AKNAD1: variants seen among roughly 807,000 people sequenced by gnomAD.
AKNAD1 encodes the protein protein AKNAD1.
In AKNAD1, 67 loss-of-function variants were observed where a neutral mutation model predicts 90.8. That is an observed-to-expected ratio of 0.74 (90% CI 0.61 to 0.90). The LOEUF (loss-of-function observed/expected upper bound fraction) is 0.90, where lower values mean the gene tolerates loss of function less well. Among genes scored for constraint, AKNAD1 ranks in the 40% least tolerant of loss-of-function variants. The pLI, the probability that AKNAD1 is intolerant of heterozygous loss-of-function variation, is 0.00. For synonymous variants in AKNAD1, 327 were observed against 341.4 expected (o/e 0.96, Z 0.46); for missense variants, 957 against 975.4 (o/e 0.98, Z 0.25).
At chr1:108,835,864 T>C (rs953080269) in intron 7 of AKNAD1, among the ~76,000 whole-genome samples, 5 of 152,180 alleles carry the variant, frequency 3.3e-5, no homozygotes, top group African/African-American at 1.2e-4. Context: ...GACCTCGTGA[T>C]CCGCCTGCCT....
At chr1:108,835,718 G>A (rs12058726) in intron 7 of AKNAD1, among the ~76,000 whole-genome samples, 20,869 of 151,214 alleles carry the variant, frequency 0.14, 1,584 homozygotes, top group African/African-American at 0.2. Context: ...TCTGCCTCCC[G>A]GGTTCAAGCG....
chr1:108,843,380 C>A lies in AKNAD1; in HGVS notation c.1246-113G>T, dbSNP rs78835477. 2.6e-3 allele frequency: 3,334 copies of A among 1,305,284 alleles called. 65 individuals are homozygous for A. In the African/African-American group the frequency reaches 0.041, roughly 16 times the overall value. 80.9% of individuals were successfully genotyped at this position (1,305,284 alleles called of 1,614,324 possible). ...AGTAGTGTCAAAACAAAGCTGCCAT[C>A]CTTCTCCCAGCAGCATAAATTGTTT... On this transcript the variant is annotated intron_variant, in intron 5 of 15. Transcript: ENST00000370001.
intron 10 of AKNAD1, 115 bp from the exon 11 acceptor site, chr1:108,827,417 G>A (rs1664039588): frequency 1.3e-6 from 1 of 741,160 alleles, no homozygotes; most frequent in Non-Finnish European, 2.3e-6. Context: ...GAACAGTGTA[G>A]GAGGGGCTTG....
intron 8 of AKNAD1, 132 bp from the exon 9 acceptor site, chr1:108,834,660 T>C: frequency 1.0e-6 from 1 of 975,530 alleles, no homozygotes; most frequent in Admixed American, 2.6e-5. Context: ...CAGAGAGTGC[T>C]ATGGGCCTCA....
At position 108,852,623 on chromosome 1, in the gene AKNAD1, C is replaced by T; in HGVS notation, c.42G>A (p.Gln14=). The T allele has an allele frequency of 1.9e-6, 3 of 1,605,204 alleles. No individual in the cohort carries two copies. Among genetic ancestry groups the T allele is most frequent in the Non-Finnish European group, 2.6e-6 (3 of 1,176,128 alleles). The change falls in exon 2 of 16, where the codon CAG becomes CAA. Residue 14 remains glutamine (Q), a synonymous_variant. Transcript: ENST00000370001. ...GGTCCCCATCATAAGGCAAATCCTC[C>T]TGCTTATAAGTCGTGTGTTCTGAAA... is the stretch of plus-strand genomic sequence containing the variant. ...ADFSEHTTYK[Q]EDLPYDGDLS...
chr1:108,821,845 C>CCTCT (rs397962392), intron 13 of AKNAD1, among the ~76,000 whole-genome samples: 2 of 151,804 alleles, frequency 1.3e-5, no homozygotes, highest in African/African-American at 4.8e-5. Flanking sequence ...TTCCCTTTCC[C>CCTCT]TCTTCTTCTT....
intron 13 of AKNAD1, among the ~76,000 whole-genome samples, chr1:108,822,556 G>A (rs1470093506): frequency 6.6e-6 from 1 of 152,162 alleles, no homozygotes; most frequent in East Asian, 1.9e-4. Flanking sequence ...AGACACAGCT[G>A]AGGTCAGTCA....
chr1:108,852,903 GAC>G, intron 1 of AKNAD1, 136 bp from the exon 2 acceptor site: 1 of 382,094 alleles, frequency 2.6e-6, no homozygotes, highest in Non-Finnish European at 4.6e-6. Context: ...ACCACAAGCT[GAC>G]CCAACCTCAA....
At position 108,834,673 on chromosome 1, in the gene AKNAD1, C is replaced by T. The variant is rs955670455; in HGVS notation, c.1665-145G>A. ...GGCAGAGAGTGCTATGGGCCTCATGCGGCCACTTGACCTTCACCTCTCCCC... is the reference window on the plus strand; with the variant it reads ...GGCAGAGAGTGCTATGGGCCTCATGTGGCCACTTGACCTTCACCTCTCCCC... On this transcript the variant is annotated intron_variant, in intron 8 of 15. Transcript: ENST00000370001. The T allele has an allele frequency of 9.8e-6, 9 of 914,050 alleles. 1 individual carries two copies. The highest frequency in any genetic ancestry group is 8.7e-5 in the South Asian group (5 of 57,340). 56.6% of individuals were successfully genotyped at this position (914,050 alleles called of 1,614,324 possible).
chr1:108,856,444 A>G (rs1197060399), intron 1 of AKNAD1, among the ~76,000 whole-genome samples: 7 of 152,198 alleles, frequency 4.6e-5, no homozygotes, highest in Non-Finnish European at 8.8e-5. Flanking sequence ...TCATGCCTGT[A>G]ATCTCAGCAC....
chr1:108,817,797 G>A (rs1443125015), intron 14 of AKNAD1, among the ~76,000 whole-genome samples: 2 of 148,818 alleles, frequency 1.3e-5, no homozygotes, highest in East Asian at 2.0e-4. Flanking sequence ...GAGCCACCGC[G>A]TCCGGCCTTT....
At chr1:108,854,647 G>A (rs1664980890) in intron 1 of AKNAD1, among the ~76,000 whole-genome samples, 1 of 152,202 alleles carries the variant, frequency 6.6e-6, no homozygotes, top group African/African-American at 2.4e-5. Flanking sequence ...TGGAGAGAAA[G>A]GAGAATATCA....
At chr1:108,846,827 C>T (rs372036044) in intron 5 of AKNAD1, among the ~76,000 whole-genome samples, 1 of 152,090 alleles carries the variant, frequency 6.6e-6, no homozygotes, top group Non-Finnish European at 1.5e-5. Context: ...CCAAAGGTAG[C>T]TCAAACTCAA....
At chr1:108,817,258 T>C (rs1025433597) in intron 14 of AKNAD1, 81 bp from the exon 15 acceptor site, 55 of 1,565,388 alleles carry the variant, frequency 3.5e-5, no homozygotes, top group Non-Finnish European at 4.7e-5. Flanking sequence ...CTGTGGTAGG[T>C]AATGGCTCTG....
chr1:108,851,939 AT>A lies in AKNAD1; in HGVS notation c.725del (p.Asn242IlefsTer27). 6.2e-7 allele frequency: 1 copy of A among 1,614,132 alleles called. No individual in the cohort carries two copies. Among genetic ancestry groups the A allele is most frequent in the Non-Finnish European group, 8.5e-7 (1 of 1,180,026 alleles). On this transcript the variant is annotated frameshift_variant, in exon 2 of 16. Coordinates refer to ENST00000370001, the MANE Select transcript of AKNAD1 (RefSeq NM_152763.5). LOFTEE classifies it high-confidence loss of function. The stretch of plus-strand genomic sequence containing the variant: ...GGCCGTATTTGAACGTGTTGCCTGA[AT>A]TTGCTTTTTCAGTCTGCTGTTTCTG... ...SPQKQQTEKA[N>X]SGNTFKYGQG...
At chr1:108,818,528 C>G (rs536633008) in intron 14 of AKNAD1, among the ~76,000 whole-genome samples, 1 of 152,136 alleles carries the variant, frequency 6.6e-6, no homozygotes. Context: ...TTATTATGAG[C>G]CTGGTACCAT....
chr1:108,852,294 C>T lies in AKNAD1; in HGVS notation c.371G>A (p.Arg124Lys). Residue 124 changes from arginine (R) to lysine (K), a missense_variant, in exon 2 of 16, where the codon AGA (arginine) becomes AAA (lysine). Physicochemically the swap from Arg to Lys is conservative, Grantham distance 26. Transcript: ENST00000370001. ...GGTTTCACAATCAATGCCTTGACCT[C>T]TTAAGAATGGCTCTTTGGAAAGATG... is the stretch of plus-strand genomic sequence containing the variant. Reference protein sequence around the residue: ...LHHLSKEPFLRGQGIDCETLP... With the variant: ...LHHLSKEPFLKGQGIDCETLP... The T allele has an allele frequency of 1.2e-6, 2 of 1,614,150 alleles. No homozygotes were observed. Among genetic ancestry groups the T allele is most frequent in the Non-Finnish European group, 1.7e-6 (2 of 1,180,032 alleles).
rs971636339 is a variant in AKNAD1, at chr1:108,837,848, G to T, written c.1380-142C>A. 7.6e-6 allele frequency: 7 copies of T among 917,950 alleles called. No individual in the cohort carries two copies. The African/African-American group carries it at 8.3e-5, about 11-fold the overall frequency. 56.9% of individuals were successfully genotyped at this position (917,950 alleles called of 1,614,324 possible). On this transcript the variant is annotated intron_variant, in intron 6 of 15. Coordinates refer to ENST00000370001, the MANE Select transcript of AKNAD1 (RefSeq NM_152763.5). ...CACAAAGGATAATGGGAGCCCGCAT[G>T]ACTGTTCATAGTTTCTCTGACAGCC...
intron 11 of AKNAD1, 45 bp downstream of exon 11, chr1:108,827,160 A>G: frequency 6.9e-7 from 1 of 1,440,600 alleles, no homozygotes; most frequent in Non-Finnish European, 9.7e-7. Flanking sequence ...CCCCATGGGG[A>G]GGGACACTGA....
Sources: allele counts gnomAD v4.1 joint callset (sites outside exome capture counted in the v4.1 genomes callset), GRCh38; gene constraint gnomAD v4.1.1; transcripts MANE v1.5; gene names NCBI Gene and HGNC (gene_info 2026-07-23, HGNC 2026-07-21).